ZNF490: variants seen among roughly 807,000 people sequenced by gnomAD.
ZNF490 encodes the protein zinc finger protein 490.
ZNF490 carries 11 observed loss-of-function variants against 17.7 expected under a neutral mutation model. That is an observed-to-expected ratio of 0.62 (90% CI 0.39 to 1.03). ZNF490 has a LOEUF of 1.03. ZNF490 is among the 50% of genes least tolerant of loss of function. The pLI is 0.00. For missense variants in ZNF490, 542 were observed against 643.4 expected (o/e 0.84, Z 1.71); for synonymous variants, 222 against 216.1 (o/e 1.03, Z -0.24).
rs1322556753 is a variant in ZNF490, at chr19:12,577,464, G to A, written c.*3021C>T. 1 of 985,310 alleles carries A rather than the reference G, an allele frequency of 1.0e-6. No homozygotes were observed. Among genetic ancestry groups the A allele is most frequent in the African/African-American group, 1.7e-5 (1 of 57,232 alleles). The allele number at this position is 985,310 out of a possible 1,614,324, so 61.0% of individuals were successfully genotyped here. On this transcript the variant is annotated 3_prime_UTR_variant, in exon 5 of 5. Transcript: ENST00000311437. ...GCAGCTCAAGAATGTGAAAGGACCTGAAATGGGTTGAGTAATAATGTTCCA... is the reference window on the plus strand; with the variant it reads ...GCAGCTCAAGAATGTGAAAGGACCTAAAATGGGTTGAGTAATAATGTTCCA...
At chr19:12,583,045 ATT>A (rs142050281) in intron 3 of ZNF490, 135 bp from the exon 4 acceptor site, 13,643 of 569,744 alleles carry the variant, frequency 0.024, no homozygotes, top group South Asian at 0.034. Flanking sequence ...CTCTTCCCAC[ATT>A]TTTTTTTTTT....
At chr19:12,602,095 CA>C (rs2023014367) in intron 2 of ZNF490, among the ~76,000 whole-genome samples, 1 of 148,592 alleles carries the variant, frequency 6.7e-6, no homozygotes, top group Admixed American at 6.9e-5. Flanking sequence ...CACACACACA[CA>C]CACACACACA....
At chr19:12,593,270 T>A (rs2022894365) in intron 2 of ZNF490, among the ~76,000 whole-genome samples, 1 of 151,056 alleles carries the variant, frequency 6.6e-6, no homozygotes, top group African/African-American at 2.4e-5. Flanking sequence ...CCCTTTGAGA[T>A]GAAGTCTCGC....
intron 2 of ZNF490, among the ~76,000 whole-genome samples, chr19:12,599,391 G>C (rs1234362963): frequency 6.6e-6 from 1 of 152,074 alleles, no homozygotes; most frequent in Non-Finnish European, 1.5e-5. Flanking sequence ...ATTTATGAAA[G>C]GGAACTTATG....
chr19:12,584,061 C>T (rs1226119781), intron 2 of ZNF490, among the ~76,000 whole-genome samples: 4 of 145,744 alleles, frequency 2.7e-5, no homozygotes, highest in East Asian at 2.0e-4. Context: ...CCGCCCGCCT[C>T]GGCCTCCCAG....
In ZNF490 at chr19:12,609,169, T is replaced by C. The variant is rs2023111760; in HGVS notation, c.151A>G (p.Lys51Glu). Residue 51 changes from lysine to glutamate, a missense_variant, in exon 2 of 5, where the codon AAG becomes GAG. Physicochemically the swap from Lys to Glu is moderately conservative, Grantham distance 56 (BLOSUM62 1). Coordinates refer to ENST00000311437, the MANE Select transcript of ZNF490 (RefSeq NM_020714.3). The part of the protein sequence containing the change: ...QNSEHHGQSI[K>E]TQTDSISLED... Reference sequence around the variant, plus strand: ...GCGATCTCACTTACAGTTTGAGTCTTGATGCTTTGTCCATGGTGTTCACTG... The same window carrying C: ...GCGATCTCACTTACAGTTTGAGTCTCGATGCTTTGTCCATGGTGTTCACTG... 1.9e-6 allele frequency: 3 copies of C among 1,614,134 alleles called. No homozygotes were observed. Among genetic ancestry groups the C allele is most frequent in the Non-Finnish European group, 1.7e-6 (2 of 1,180,014 alleles).
intron 3 of ZNF490, 144 bp from the exon 4 acceptor site, chr19:12,583,054 T>G: frequency 1.3e-6 from 1 of 778,352 alleles, no homozygotes; most frequent in Non-Finnish European, 2.0e-6. Context: ...CATTTTTTTT[T>G]TTTTTTTGAG....
Position 12,585,640 on chromosome 19 carries a change from T to C in ZNF490, c.163-2084A>G, listed in dbSNP as rs2022801655. Among the ~76,000 whole-genome samples, 2 of 92,798 alleles carry C rather than the reference T, an allele frequency of 2.2e-5. 1 individual carries two copies. The highest frequency in any genetic ancestry group is 6.4e-5 in the African/African-American group (2 of 31,042). The allele number at this position is 92,798 out of a possible 152,430, so 60.9% of individuals were successfully genotyped here. ...GGCTCACCAGAAGACAGATGATTCA[T>C]AGGATTATATCATGTTTCCACTCCA... On this transcript the variant is annotated intron_variant, in intron 2 of 4. Coordinates refer to ENST00000311437, the MANE Select transcript of ZNF490 (RefSeq NM_020714.3).
At position 12,578,648 on chromosome 19, in the gene ZNF490, G is replaced by T; in HGVS notation, c.*1837C>A. 6.1e-6 allele frequency: 6 copies of T among 985,458 alleles called. No individual in the cohort carries two copies. The highest frequency in any genetic ancestry group is 7.2e-6 in the Non-Finnish European group (6 of 829,960). 61.0% of individuals were successfully genotyped at this position (985,458 alleles called of 1,614,324 possible). On this transcript the variant is annotated 3_prime_UTR_variant, in exon 5 of 5. Transcript: ENST00000311437. The stretch of plus-strand genomic sequence containing the variant: ...GAAAAACTGTAAGATGCGAACCTTT[G>T]TCTTAGAAGTACAGCATTCCCACAG...
rs1477891333 is a variant in ZNF490 at position 12,576,430 on chromosome 19, T to C, written c.*4055A>G. Among the ~76,000 whole-genome samples, 1 of 150,780 alleles carries C rather than the reference T, an allele frequency of 6.6e-6. No homozygotes were observed. The highest frequency in any genetic ancestry group is 2.4e-5 in the African/African-American group (1 of 40,850). ...CTGAAACAGGAGAATTGCTTGAACC[T>C]GGGAGGCAGAGATTGCAGTGAGCCG... On this transcript the variant is annotated 3_prime_UTR_variant, in exon 5 of 5. Transcript: ENST00000311437.
chr19:12,582,980 C>G, intron 3 of ZNF490, 70 bp from the exon 4 acceptor site: 1 of 1,242,902 alleles, frequency 8.0e-7, no homozygotes, highest in Non-Finnish European at 1.2e-6. Flanking sequence ...ACTCTAAGAT[C>G]CATGATTAGC....
intron 2 of ZNF490, among the ~76,000 whole-genome samples, chr19:12,584,304 G>A (rs1250074553): frequency 3.4e-5 from 3 of 86,998 alleles, no homozygotes; most frequent in Non-Finnish European, 6.1e-5. Context: ...CTACAGGCGC[G>A]TGCCACCACG....
chr19:12,609,195 T>C lies in ZNF490; in HGVS notation c.125A>G (p.Asn42Ser), dbSNP rs1457056683. ...GATGCTTTGTCCATGGTGTTCACTG[T>C]TCTGCATCTAATTAGAAACAAGAGG... Reference protein sequence around the residue: ...TGGSDVLQMQNSEHHGQSIKT... With the variant: ...TGGSDVLQMQSSEHHGQSIKT... Residue 42 changes from asparagine (N) to serine (S), a missense_variant, in exon 2 of 5, where the codon AAC (asparagine) becomes AGC (serine). Coordinates refer to ENST00000311437, the MANE Select transcript of ZNF490 (RefSeq NM_020714.3). The C allele has an allele frequency of 2.5e-6, 4 of 1,614,128 alleles. No homozygotes were observed.
intron 2 of ZNF490, among the ~76,000 whole-genome samples, chr19:12,600,033 T>C (rs2022982867): frequency 1.3e-5 from 2 of 152,150 alleles, no homozygotes; most frequent in Non-Finnish European, 2.9e-5. Flanking sequence ...AATATGTCTA[T>C]AAAATTGGGT....
Position 12,576,576 on chromosome 19 carries a change from G to A in ZNF490, c.*3909C>T, listed in dbSNP as rs1671655251. Among the ~76,000 whole-genome samples the A allele has an allele frequency of 6.6e-6, 1 of 151,670 alleles. No homozygotes were observed. Among genetic ancestry groups the A allele is most frequent in the African/African-American group, 2.4e-5 (1 of 41,290 alleles). On this transcript the variant is annotated 3_prime_UTR_variant, in exon 5 of 5. Coordinates refer to ENST00000311437, the MANE Select transcript of ZNF490 (RefSeq NM_020714.3). ...ACGCCTGTAATCCCAGCACTTTGGG[G>A]AGACCGAGGTGGGTGGATCACAAGG...
At chr19:12,595,199 G>A (rs978209823) in intron 2 of ZNF490, among the ~76,000 whole-genome samples, 5 of 151,948 alleles carry the variant, frequency 3.3e-5, no homozygotes, top group African/African-American at 1.2e-4. Context: ...TGGAGTGCAA[G>A]GGTGTGATCT....
At chr19:12,595,165 G>A (rs1006875550) in intron 2 of ZNF490, among the ~76,000 whole-genome samples, 1 of 151,720 alleles carries the variant, frequency 6.6e-6, no homozygotes. Flanking sequence ...TTTTGAGACC[G>A]AGTTTCGCTC....
chr19:12,581,128 C>T lies in ZNF490; in HGVS notation c.947G>A (p.Ser316Asn). 6.2e-7 allele frequency: 1 copy of T among 1,614,088 alleles called. No homozygotes were observed. Among genetic ancestry groups the T allele is most frequent in the Non-Finnish European group, 8.5e-7 (1 of 1,180,012 alleles). Residue 316 changes from serine to asparagine, a missense_variant, in exon 5 of 5, where the codon AGT becomes AAT. Physicochemically the swap from Ser to Asn is conservative, Grantham distance 46. Transcript: ENST00000311437. ...YECKQCGKAF[S>N]CPTYLRSHEK... ...ATGACTCCGTAAGTACGTGGGACAA[C>T]TGAAGGCTTTCCCACATTGCTTACA... is the stretch of plus-strand genomic sequence containing the variant.
chr19:12,583,595 G>T lies in ZNF490; in HGVS notation c.163-39C>A, dbSNP rs190211563. The T allele has an allele frequency of 2.3e-4, 359 of 1,532,124 alleles. 1 individual carries two copies. In the African/African-American group the frequency reaches 4.6e-3, roughly 20 times the overall value. 94.9% of individuals were successfully genotyped at this position (1,532,124 alleles called of 1,614,324 possible). A position where few individuals can be genotyped will look rare whatever the true frequency, so the allele number is the denominator to read the frequency against. On this transcript the variant is annotated intron_variant, in intron 2 of 4. Coordinates refer to ENST00000311437, the MANE Select transcript of ZNF490 (RefSeq NM_020714.3). ...CATGTGTGTTTAGGAGGAGGAGAGA[G>T]ATTCGCAGTAGTGAGGATCCATTCT...
Sources: allele counts gnomAD v4.1 joint callset (sites outside exome capture counted in the v4.1 genomes callset), GRCh38; gene constraint gnomAD v4.1.1; transcripts MANE v1.5; gene names NCBI Gene and HGNC (gene_info 2026-07-23, HGNC 2026-07-21).